Variants in ACAN observed in about 807,000 individuals in gnomAD.
The protein encoded by ACAN is aggrecan.
Under a neutral mutation model 169.1 loss-of-function variants are expected in ACAN, and 47 were observed. The ratio of observed to expected loss-of-function variants is 0.28; its 90% CI spans 0.22 to 0.35. ACAN has a LOEUF of 0.35. Ranked by LOEUF, ACAN falls within the 10% of genes least tolerant of loss-of-function variation. The pLI is 1.00. For missense variants in ACAN, 2,716 were observed against 2,759.9 expected, an observed-to-expected ratio of 0.98 and a Z score of 0.36; for synonymous variants, 1,115 against 1,112.2, an observed-to-expected ratio of 1.00 and a Z score of -0.05.
At chr15:88,847,189 G>A (rs1252808777) in intron 7 of ACAN, 54 bp from the exon 8 acceptor site, 1 of 1,478,672 alleles carries the variant, frequency 6.8e-7, no homozygotes, top group African/African-American at 1.4e-5. Context: ...ATGGAGCCTT[G>A]GAAGCTGCAC....
chr15:88,834,230 T>G (rs1896442150), intron 1 of ACAN, among the ~76,000 whole-genome samples: 1 of 152,212 alleles, frequency 6.6e-6, no homozygotes, highest in Non-Finnish European at 1.5e-5. Context: ...ACGTGCCTCA[T>G]GCATTCACGC....
chr15:88,861,068 C>G lies in ACAN; in HGVS notation c.6946+629C>G, dbSNP rs766888874. On this transcript the variant is annotated intron_variant, in intron 13 of 18. Coordinates refer to ENST00000560601, the MANE Select transcript of ACAN (RefSeq NM_001369268.1). This position sits in a 1 kb window ranked among gnomAD's most constrained non-coding sequence, Gnocchi z 6.3. ...GATGGGTGGAGAGGCTGGGGACCCT[C>G]TGATCTGAGGTGGACCCCGGAAGGA... is the stretch of plus-strand genomic sequence containing the variant. Among the ~76,000 whole-genome samples, 2 of 152,154 alleles carry G rather than the reference C, an allele frequency of 1.3e-5. No homozygotes were observed. Among genetic ancestry groups the G allele is most frequent in the Non-Finnish European group, 2.9e-5 (2 of 68,024 alleles).
In ACAN at chr15:88,871,929, C is replaced by T. The variant is rs1897388660; in HGVS notation, c.7220-74C>T. 2 of 1,337,382 alleles carry T rather than the reference C, an allele frequency of 1.5e-6. No homozygotes were observed. The highest frequency in any genetic ancestry group is 2.2e-6 in the Non-Finnish European group (2 of 926,892). 82.8% of individuals were successfully genotyped at this position (1,337,382 alleles called of 1,614,324 possible). ...TCCTTTCCTCCTCCATCCCCTCTGC[C>T]TCCGTGAGCTCAAGTTTCTCAGACA... On this transcript the variant is annotated intron_variant, in intron 15 of 18. Transcript: ENST00000560601. This position sits in a 1 kb window ranked among gnomAD's most constrained non-coding sequence, Gnocchi z 7.8.
In ACAN at chr15:88,847,979, A is replaced by G. The variant is rs532546900; in HGVS notation, c.1673A>G (p.Tyr558Cys). Residue 558 changes from tyrosine (Y) to cysteine (C), a missense_variant, in exon 9 of 19, where the codon TAT becomes TGT. By Grantham distance (194) the Tyr-to-Cys change is radical. This residue lies in a region of ACAN where 1,283 missense variants were observed against 1,281.5 expected (regional missense o/e 1.00). Coordinates refer to ENST00000560601, the MANE Select transcript of ACAN (RefSeq NM_001369268.1). Reference sequence around the variant, plus strand: ...GACAGCAGCCCAGGGGTCAGGACCTATGGCGTGCGCCCATCAACAGAGACC... The same window carrying G: ...GACAGCAGCCCAGGGGTCAGGACCTGTGGCGTGCGCCCATCAACAGAGACC... ...DKDSSPGVRTYGVRPSTETYD... is the reference protein window; with the variant it reads ...DKDSSPGVRTCGVRPSTETYD... 2.5e-6 allele frequency: 4 copies of G among 1,614,008 alleles called. No homozygotes were observed. In the Admixed American group the frequency reaches 5.0e-5, roughly 20 times the overall value.
At chr15:88,848,604 C>G (rs897376737) in intron 9 of ACAN, among the ~76,000 whole-genome samples, 4 of 152,236 alleles carry the variant, frequency 2.6e-5, no homozygotes, top group African/African-American at 9.6e-5. Flanking sequence ...CCTTAACTCT[C>G]TTTAACTCAG....
Position 88,843,669 on chromosome 15 carries a change from G to A in ACAN, c.1051+21G>A, listed in dbSNP as rs751139515. 6.5e-7 allele frequency: 1 copy of A among 1,546,030 alleles called. No individual in the cohort carries two copies. Among genetic ancestry groups the A allele is most frequent in the South Asian group, 1.2e-5 (1 of 80,884 alleles). ...CACAGGTGGGGCACGGCTGGTGGTG[G>A]GAAGGGAGTTCATGCCACTAAAATG... On this transcript the variant is annotated intron_variant, in intron 6 of 18. Transcript: ENST00000560601. This position sits in a 1 kb window ranked among gnomAD's most constrained non-coding sequence, Gnocchi z 4.0.
At chr15:88,819,205 G>T (rs1416948703) in intron 1 of ACAN, among the ~76,000 whole-genome samples, 1 of 152,216 alleles carries the variant, frequency 6.6e-6, no homozygotes, top group East Asian at 1.9e-4. Flanking sequence ...GGAAAGGAAG[G>T]AAACAAAGTG....
Position 88,858,946 on chromosome 15 carries a change from A to C in ACAN, c.6361A>C (p.Arg2121=). ...GGCATCTGCCGCCCCTGAGGCCAGC[A>C]GAGAAGATTCTGGGTCCCCTGATCT... The part of the protein sequence containing the change: ...FGASAAPEAS[R]EDSGSPDLSE... The change falls in exon 12 of 19, where the codon AGA becomes CGA. Residue 2121 remains arginine, a synonymous_variant. Transcript: ENST00000560601. This position sits in a 1 kb window ranked among gnomAD's most constrained non-coding sequence, Gnocchi z 4.0. The C allele has an allele frequency of 6.2e-7, 1 of 1,611,918 alleles. No individual in the cohort carries two copies.
At chr15:88,852,963 T>C (rs1896963753) in intron 11 of ACAN, among the ~76,000 whole-genome samples, 1 of 152,218 alleles carries the variant, frequency 6.6e-6, no homozygotes, top group African/African-American at 2.4e-5. Flanking sequence ...CAGAGCAATT[T>C]GGTGGTGTCA....
intron 1 of ACAN, among the ~76,000 whole-genome samples, chr15:88,811,023 T>C (rs1439665150): frequency 6.6e-6 from 1 of 152,208 alleles, no homozygotes; most frequent in Admixed American, 6.5e-5. Context: ...GAGAAGGTCA[T>C]GGCCAGCTTC....
At chr15:88,805,177 G>A (rs1433087309) in intron 1 of ACAN, among the ~76,000 whole-genome samples, 6 of 152,158 alleles carry the variant, frequency 3.9e-5, no homozygotes, top group Non-Finnish European at 7.3e-5. Context: ...CCATGGACAA[G>A]GAGCAATCAG....
intron 1 of ACAN, among the ~76,000 whole-genome samples, chr15:88,824,432 T>A (rs1334753770): frequency 6.6e-6 from 1 of 152,184 alleles, no homozygotes; most frequent in Non-Finnish European, 1.5e-5. Flanking sequence ...AACAAATACT[T>A]GTTGAGCACC....
intron 1 of ACAN, 66 bp from the exon 2 acceptor site, chr15:88,836,134 C>A: frequency 8.6e-7 from 1 of 1,159,072 alleles, no homozygotes; most frequent in Non-Finnish European, 1.3e-6. Context: ...TCATATGTCA[C>A]ATGACTCTGC....
Position 88,871,460 on chromosome 15 carries a change from T to C in ACAN, c.7139T>C (p.Val2380Ala). 6.2e-7 allele frequency: 1 copy of C among 1,613,876 alleles called. No individual in the cohort carries two copies. The highest frequency in any genetic ancestry group is 8.5e-7 in the Non-Finnish European group (1 of 1,179,862). Reference protein sequence around the residue: ...YRHFPDRETWVDAERRCREQQ... With the variant: ...YRHFPDRETWADAERRCREQQ... Reference sequence around the variant, plus strand: ...CACTTCCCGGACCGCGAGACCTGGGTGGATGCTGAGCGCCGGTGTCGGGAG... The same window carrying C: ...CACTTCCCGGACCGCGAGACCTGGGCGGATGCTGAGCGCCGGTGTCGGGAG... The change falls in exon 15 of 19, where the codon GTG (valine) becomes GCG (alanine). Residue 2380 changes from valine to alanine, a missense_variant. Val to Ala is a moderately conservative substitution (Grantham distance 64, BLOSUM62 0). This residue lies in a region of ACAN where 1,389 missense variants were observed against 1,363.7 expected (regional missense o/e 1.02). Coordinates refer to ENST00000560601, the MANE Select transcript of ACAN (RefSeq NM_001369268.1). This position sits in a 1 kb window ranked among gnomAD's most constrained non-coding sequence, Gnocchi z 7.8.
intron 1 of ACAN, among the ~76,000 whole-genome samples, chr15:88,815,114 AG>A (rs755717613): frequency 1.6e-4 from 24 of 152,084 alleles, no homozygotes; most frequent in African/African-American, 5.5e-4. Flanking sequence ...CCTTAATAAA[AG>A]GGAGGATCTG....
chr15:88,830,380 C>G (rs993258325), intron 1 of ACAN, among the ~76,000 whole-genome samples: 1 of 152,210 alleles, frequency 6.6e-6, no homozygotes, highest in African/African-American at 2.4e-5. Flanking sequence ...ATTTTGTCAT[C>G]CAGCAACATG....
chr15:88,857,413 C>T lies in ACAN; in HGVS notation c.4828C>T (p.Pro1610Ser), dbSNP rs1457110054. The change falls in exon 12 of 19, where the codon CCT (proline) becomes TCT (serine). Residue 1610 changes from proline to serine, a missense_variant. This residue lies in a region of ACAN where 1,389 missense variants were observed against 1,363.7 expected (regional missense o/e 1.02). Transcript: ENST00000560601. ...TGGAGACTTGGACTTGGGCAAACTG[C>T]CTTCTGGAACTCTAGGAAGTGGGCA... is the stretch of plus-strand genomic sequence containing the variant. ...ASGDLDLGKL[P>S]SGTLGSGQAP... 3 of 1,613,902 alleles carry T rather than the reference C, an allele frequency of 1.9e-6. 1 individual carries two copies. In the South Asian group the frequency reaches 3.3e-5, roughly 18 times the overall value.
chr15:88,859,114 G>T lies in ACAN; in HGVS notation c.6529G>T (p.Val2177Leu). ...TGGAGAATCCACCACCACCAGTGATGTGGGGACAGAGGCACCAGGCTTGCC... is the reference window on the plus strand; with the variant it reads ...TGGAGAATCCACCACCACCAGTGATTTGGGGACAGAGGCACCAGGCTTGCC... ...VSGESTTTSDVGTEAPGLPSA... is the reference protein window; with the variant it reads ...VSGESTTTSDLGTEAPGLPSA... The change falls in exon 12 of 19, where the codon GTG (valine) becomes TTG (leucine). Residue 2177 changes from valine to leucine, a missense_variant. Coordinates refer to ENST00000560601, the MANE Select transcript of ACAN (RefSeq NM_001369268.1). 1 of 1,613,884 alleles carries T rather than the reference G, an allele frequency of 6.2e-7. No homozygotes were observed. The highest frequency in any genetic ancestry group is 1.1e-5 in the South Asian group (1 of 91,088).
rs150500168 is a variant in ACAN, at chr15:88,818,836, G to A, written c.-8+15027G>A. Among the ~76,000 whole-genome samples, 235 of 152,338 alleles carry A rather than the reference G, an allele frequency of 1.5e-3. 1 individual carries two copies. Among genetic ancestry groups the A allele is most frequent in the African/African-American group, 5.5e-3 (230 of 41,572 alleles). On this transcript the variant is annotated intron_variant, in intron 1 of 18. Transcript: ENST00000560601. ...GAAAAGCATTCTGGAGATGGATGGT[G>A]ATAATGGTTGCATAACAATGTGAAT...
Sources: gnomAD v4.1 joint callset for allele counts (sites outside exome capture counted in the v4.1 genomes callset) on GRCh38, gnomAD v4.1.1 for gene constraint, gnomAD v4.1.1 regional missense constraint, Gnocchi (gnomAD v3.1) non-coding constraint, MANE v1.5 for transcripts, NCBI Gene and HGNC (gene_info 2026-07-23, HGNC 2026-07-21) for gene names.